Variants in LIMS1 observed in about 807,000 individuals in gnomAD.
LIMS1 encodes the protein LIM and senescent cell antigen-like-containing domain protein 1.
In LIMS1, 18 loss-of-function variants were observed where a neutral mutation model predicts 44.1. The ratio of observed to expected loss-of-function variants is 0.41; its 90% confidence interval spans 0.28 to 0.61. The LOEUF is 0.61. LIMS1 is among the 20% of genes least tolerant of loss of function. The pLI is 0.32. For missense variants in LIMS1, 201 were observed against 422.0 expected (o/e 0.48, Z 4.59); for synonymous variants, 93 against 149.1 (o/e 0.62, Z 2.74).
intron 1 of LIMS1, chr2:108,621,127 TC>T: frequency 1.7e-6 from 1 of 575,980 alleles, no homozygotes. Context: ...GCTTCCCCCC[TC>T]CCCAAGGTGC....
intron 2 of LIMS1, among the ~76,000 whole-genome samples, chr2:108,665,095 C>T (rs1691657376): frequency 6.6e-6 from 1 of 152,176 alleles, no homozygotes; most frequent in African/African-American, 2.4e-5. Flanking sequence ...AGAAGCTTGG[C>T]TTTAGGAACT....
rs1206031495 is a variant in LIMS1, at chr2:108,607,159, G to A, written c.33-52446G>A. On this transcript the variant is annotated intron_variant, in intron 1 of 9. Coordinates refer to ENST00000544547, the Ensembl canonical transcript of LIMS1. The stretch of plus-strand genomic sequence containing the variant: ...GGAGCCTGCTTGCCCCTTCCTGCAT[G>A]TGAGGACACAGTGAGAGGGTGCCAT... 6 of 1,531,370 alleles carry A rather than the reference G, an allele frequency of 3.9e-6. No homozygotes were observed. The African/African-American group carries it at 5.5e-5, about 14-fold the overall frequency. The allele number at this position is 1,531,370 out of a possible 1,614,324, so 94.9% of individuals were successfully genotyped here. A position where few individuals can be genotyped will look rare whatever the true frequency, so the allele number is the denominator to read the frequency against.
chr2:108,551,076 G>A (rs968726849), intron 1 of LIMS1, among the ~76,000 whole-genome samples: 5 of 151,812 alleles, frequency 3.3e-5, no homozygotes, highest in African/African-American at 1.2e-4. Flanking sequence ...GCAGTGAGCT[G>A]TGATTGCACC....
At chr2:108,549,279 CTTTTTTTTTTTTTTTTTTTTTTT>C (rs71381966) in intron 1 of LIMS1, among the ~76,000 whole-genome samples, 20 of 55,786 alleles carry the variant, frequency 3.6e-4, no homozygotes, top group Admixed American at 5.9e-4. Flanking sequence ...TAAAGTGTTT[CTTTTTTTTTTTTTTTTTTTTTTT>C]TTTTTTTTTT....
exon 10 of LIMS1, chr2:108,683,945 A>G (rs878889216): frequency 1.1e-5 from 17 of 1,605,082 alleles, no homozygotes; most frequent in African/African-American, 1.3e-5. Context: ...AGAAATTTCC[A>G]TTGGAGCTGA....
intron 1 of LIMS1, among the ~76,000 whole-genome samples, chr2:108,536,927 T>C (rs1229533973): frequency 6.6e-6 from 1 of 152,198 alleles, no homozygotes; most frequent in Non-Finnish European, 1.5e-5. Flanking sequence ...TTTTCTGGGA[T>C]AAATGTCCAA....
intron 1 of LIMS1, among the ~76,000 whole-genome samples, chr2:108,612,009 T>C (rs905288743): frequency 2.3e-5 from 3 of 132,426 alleles, no homozygotes; most frequent in Admixed American, 8.0e-5. Context: ...TATACACACA[T>C]ATATATATAC....
intron 1 of LIMS1, among the ~76,000 whole-genome samples, chr2:108,586,169 A>G (rs947877752): frequency 2.6e-5 from 4 of 152,076 alleles, no homozygotes; most frequent in Non-Finnish European, 4.4e-5. Context: ...TCCAGCCTGG[A>G]CGACAGAGCG....
At chr2:108,607,330 G>GACAAC in intron 1 of LIMS1, 1 of 1,366,100 alleles carries the variant, frequency 7.3e-7, no homozygotes, top group Non-Finnish European at 1.0e-6. Flanking sequence ...GAGCACACCA[G>GACAAC]TTGTCTGGTA....
chr2:108,621,235 T>C, intron 1 of LIMS1: 2 of 1,482,686 alleles, frequency 1.3e-6, no homozygotes, highest in Non-Finnish European at 1.8e-6. Context: ...TGCCTGGAGG[T>C]TTCTAAGGCT....
At chr2:108,536,198 T>A (rs575690471) in intron 1 of LIMS1, among the ~76,000 whole-genome samples, 5 of 152,338 alleles carry the variant, frequency 3.3e-5, no homozygotes, top group African/African-American at 1.2e-4. Flanking sequence ...CATTAGTAAT[T>A]TACTTTTTGG....
At chr2:108,656,629 CT>C (rs1326384791) in intron 1 of LIMS1, among the ~76,000 whole-genome samples, 2 of 150,674 alleles carry the variant, frequency 1.3e-5, no homozygotes, top group Non-Finnish European at 3.0e-5. Flanking sequence ...CTTTTTCCCC[CT>C]GCTTGTGATG....
At chr2:108,600,083 T>G (rs1686925526) in intron 1 of LIMS1, among the ~76,000 whole-genome samples, 1 of 150,938 alleles carries the variant, frequency 6.6e-6, no homozygotes, top group Non-Finnish European at 1.5e-5. Context: ...TCTCACTCAC[T>G]CTGTCGCCAA....
intron 1 of LIMS1, among the ~76,000 whole-genome samples, chr2:108,629,278 A>T (rs1415265546): frequency 6.6e-6 from 1 of 152,216 alleles, no homozygotes; most frequent in Non-Finnish European, 1.5e-5. Context: ...CCATGTTCGG[A>T]TGGAAAGAAG....
At chr2:108,666,789 G>GGA (rs1553469658) in intron 2 of LIMS1, among the ~76,000 whole-genome samples, 3 of 138,770 alleles carry the variant, frequency 2.2e-5, no homozygotes, top group African/African-American at 7.8e-5. Context: ...GACCGTTTCT[G>GGA]AAAAAAAAAA....
At chr2:108,642,657 C>T (rs1286418230) in intron 1 of LIMS1, among the ~76,000 whole-genome samples, 1 of 152,164 alleles carries the variant, frequency 6.6e-6, no homozygotes, top group African/African-American at 2.4e-5. Context: ...CCGCGCCCGG[C>T]CGCTACTAGT....
chr2:108,639,396 G>T (rs1003650180), intron 1 of LIMS1, among the ~76,000 whole-genome samples: 14 of 152,232 alleles, frequency 9.2e-5, no homozygotes, highest in Non-Finnish European at 1.9e-4. Context: ...TAATTCTAAA[G>T]TCACCTTGCA....
intron 1 of LIMS1, among the ~76,000 whole-genome samples, chr2:108,628,593 G>A (rs983010758): frequency 4.6e-5 from 7 of 152,090 alleles, no homozygotes; most frequent in East Asian, 1.9e-4. Context: ...TCAGCCTCCC[G>A]AGTAGCTGGA....
exon 1 of LIMS1, chr2:108,534,572 G>A: frequency 8.4e-7 from 1 of 1,191,782 alleles, no homozygotes; most frequent in Non-Finnish European, 1.0e-6. Flanking sequence ...GATGCTGGGC[G>A]TGGCGGCCGG....
Sources: gnomAD v4.1 joint callset for allele counts (sites outside exome capture counted in the v4.1 genomes callset) on GRCh38, gnomAD v4.1.1 for gene constraint, MANE v1.5 for transcripts, NCBI Gene and HGNC (gene_info 2026-07-23, HGNC 2026-07-21) for gene names.